PROM2: variants seen among roughly 807,000 people sequenced by gnomAD.
PROM2 encodes the protein prominin 2.
In PROM2, 90 loss-of-function variants were observed where a neutral mutation model predicts 110.2. That is an observed-to-expected ratio of 0.82 (90% CI 0.69 to 0.97). PROM2 has a LOEUF of 0.97. Ranked by LOEUF, PROM2 falls within the 50% of genes least tolerant of loss-of-function variation. PROM2 has a pLI of 0.00. For missense variants in PROM2, 1,009 were observed against 1,074.8 expected (o/e 0.94, Z 0.86); for synonymous variants, 470 against 467.8 (o/e 1.00, Z -0.06).
rs765121657 is a variant in PROM2, at chr2:95,286,548, G to A, written c.2017G>A (p.Val673Ile). 8 of 1,613,536 alleles carry A rather than the reference G, an allele frequency of 5.0e-6. No individual in the cohort carries two copies. Among genetic ancestry groups the A allele is most frequent in the South Asian group, 1.1e-5 (1 of 91,062 alleles). ...ACTCAGAAACCTTCACCAGGAGAAG[G>A]TCGTCCCCCAGCAGAGCCTTGTGGT... ...QGLRNLHQEK[V>I]VPQQSLVAKL... Residue 673 changes from valine (V) to isoleucine (I), a missense_variant, in exon 17 of 24, where the codon GTC (valine) becomes ATC (isoleucine). Val to Ile is a conservative substitution (Grantham distance 29). Coordinates refer to ENST00000317620, the MANE Select transcript of PROM2 (RefSeq NM_001165978.3).
At chr2:95,285,786 G>T in intron 16 of PROM2, 76 bp downstream of exon 16, 1 of 1,421,984 alleles carries the variant, frequency 7.0e-7, no homozygotes, top group Non-Finnish European at 9.7e-7. Flanking sequence ...GTGGGAGGAT[G>T]TGAGGGCAAA....
intron 22 of PROM2, 42 bp downstream of exon 22, chr2:95,288,631 G>A (rs1677521102): frequency 1.3e-6 from 2 of 1,556,166 alleles, no homozygotes; most frequent in East Asian, 2.2e-5. Flanking sequence ...AGGGGCCAGG[G>A]AGGTGTCCTT....
At chr2:95,278,461 T>G (rs1573448834) in intron 8 of PROM2, 1 of 579,620 alleles carries the variant, frequency 1.7e-6, no homozygotes, top group East Asian at 2.9e-5. Context: ...GACCTGGCAG[T>G]TGTGTGGAGG....
intron 10 of PROM2, 31 bp from the exon 11 acceptor site, chr2:95,279,814 C>T: frequency 7.2e-7 from 1 of 1,389,116 alleles, no homozygotes; most frequent in South Asian, 1.9e-5. Context: ...CACCTCCTTT[C>T]TTAGTGACAC....
In PROM2 at chr2:95,277,967, G is replaced by T. The variant is rs1676774265; in HGVS notation, c.1013G>T (p.Gly338Val). The T allele has an allele frequency of 1.2e-6, 2 of 1,612,048 alleles. No homozygotes were observed. The part of the protein sequence containing the change: ...SVDHVLHQLK[G>V]VPEANFSSMV... The stretch of plus-strand genomic sequence containing the variant: ...GACCATGTCCTGCACCAGCTAAAAG[G>T]TGTCCCCGAGGCCAACTTCTCCAGC... Residue 338 changes from glycine (G) to valine (V), a missense_variant, in exon 8 of 24, where the codon GGT becomes GTT. By Grantham distance (109) the Gly-to-Val change is moderately radical (BLOSUM62 -3). Coordinates refer to ENST00000317620, the MANE Select transcript of PROM2 (RefSeq NM_001165978.3).
At chr2:95,280,503 G>T (rs1205770045) in intron 11 of PROM2, among the ~76,000 whole-genome samples, 3 of 152,228 alleles carry the variant, frequency 2.0e-5, no homozygotes, top group African/African-American at 7.2e-5. Context: ...CCTCAGACCT[G>T]CTGGGATTCT....
chr2:95,281,470 G>A, intron 12 of PROM2, 105 bp downstream of exon 12: 1 of 1,299,432 alleles, frequency 7.7e-7, no homozygotes, highest in South Asian at 1.5e-5. Context: ...GTAAAAGGGA[G>A]AGAGGGAGGG....
At chr2:95,284,548 G>C (rs1291521394) in intron 14 of PROM2, among the ~76,000 whole-genome samples, 1 of 152,042 alleles carries the variant, frequency 6.6e-6, no homozygotes, top group Non-Finnish European at 1.5e-5. Flanking sequence ...ATAAAGAAAA[G>C]AGGTTTAAGT....
intron 19 of PROM2, 73 bp from the exon 20 acceptor site, chr2:95,287,323 G>T: frequency 1.3e-6 from 2 of 1,573,084 alleles, no homozygotes; most frequent in South Asian, 2.2e-5. Context: ...TGCCAGGCAT[G>T]GGGGGTGGCG....
Position 95,285,121 on chromosome 2 carries a change from C to A in PROM2, c.1875+6C>A. On this transcript the variant is annotated splice_donor_region_variant and intron_variant, in intron 15 of 23. Coordinates refer to ENST00000317620, the MANE Select transcript of PROM2 (RefSeq NM_001165978.3). ...ACCCCGACTTCCTCGTTCAGGTCAG[C>A]GGTGGGCACCTCAGCAGGGCTTCCT... 1 of 1,555,236 alleles carries A rather than the reference C, an allele frequency of 6.4e-7. No individual in the cohort carries two copies. The highest frequency in any genetic ancestry group is 1.2e-5 in the South Asian group (1 of 84,236).
At position 95,274,990 on chromosome 2, in the gene PROM2, TGTGACTGTGG is replaced by T. The variant is rs1192249364; in HGVS notation, c.244+164_244+173del. Reference sequence around the variant, plus strand: ...CTGGGGAGGGCTCCAGAACCTGCTGTGTGACTGTGGGTAAGCCTCACTTCCTCTCTGAGCC... The same window carrying T: ...CTGGGGAGGGCTCCAGAACCTGCTGTGTAAGCCTCACTTCCTCTCTGAGCC... On this transcript the variant is annotated intron_variant, in intron 1 of 23. Transcript: ENST00000317620. 3 of 889,202 alleles carry T rather than the reference TGTGACTGTGG, an allele frequency of 3.4e-6. No homozygotes were observed. In the African/African-American group the frequency reaches 5.1e-5, roughly 15 times the overall value. 55.1% of individuals were successfully genotyped at this position (889,202 alleles called of 1,614,324 possible). A position where few individuals can be genotyped will look rare whatever the true frequency, so the allele number is the denominator to read the frequency against.
rs1174989463 is a variant in PROM2, at chr2:95,286,467, GTA to G, written c.1948-10_1948-9del. On this transcript the variant is annotated splice_polypyrimidine_tract_variant and intron_variant, in intron 16 of 23. Transcript: ENST00000317620. ...CCTGGGCGGGGCCGTTCTGATTTTT[GTA>G]TCCTTTCAGGACAATTCTGTGCTGG... 1 of 1,611,992 alleles carries G rather than the reference GTA, an allele frequency of 6.2e-7. No homozygotes were observed. The highest frequency in any genetic ancestry group is 2.2e-5 in the East Asian group (1 of 44,840).
In PROM2 at chr2:95,288,201, GGCGC is replaced by G. The variant is rs753102393; in HGVS notation, c.2245-9_2245-6del. On this transcript the variant is annotated splice_polypyrimidine_tract_variant and splice_region_variant and intron_variant, in intron 20 of 23. Transcript: ENST00000317620. ...GTCTCTGCATCACCTGCCTCATGTTGGCGCCACAGGTGACTCAGCGCATTGCCAC... is the reference window on the plus strand; with the variant it reads ...GTCTCTGCATCACCTGCCTCATGTTGCACAGGTGACTCAGCGCATTGCCAC... 4.3e-6 allele frequency: 7 copies of G among 1,612,750 alleles called. No homozygotes were observed. In the African/African-American group the frequency reaches 5.3e-5, roughly 12 times the overall value.
rs961379099 is a variant in PROM2, at chr2:95,276,540, G to A, written c.619-54G>A. The A allele has an allele frequency of 5.3e-5, 85 of 1,611,836 alleles. No individual in the cohort carries two copies. The Admixed American group carries it at 9.7e-4, about 18-fold the overall frequency. On this transcript the variant is annotated intron_variant, in intron 4 of 23. Transcript: ENST00000317620. The surrounding 1 kb of genome is among the most constrained non-coding windows in gnomAD (Gnocchi z 4.6). ...GGGAAGGGGCCAGGGAGAGAAGGGC[G>A]TAAGGACTGTGGGTGACCAGGAAGG...
chr2:95,287,339 G>C lies in PROM2; in HGVS notation c.2176-57G>C. On this transcript the variant is annotated intron_variant, in intron 19 of 23. Coordinates refer to ENST00000317620, the MANE Select transcript of PROM2 (RefSeq NM_001165978.3). ...GCCAGGCATGGGGGGTGGCGTGGGT[G>C]GGGGGCACTGCTGCTTCTGGGACCC... 4 of 1,594,092 alleles carry C rather than the reference G, an allele frequency of 2.5e-6. No homozygotes were observed. The South Asian group carries it at 3.3e-5, about 13-fold the overall frequency.
In PROM2 at chr2:95,290,750, G is replaced by C. The variant is rs1459062714; in HGVS notation, c.*1537G>C. Reference sequence around the variant, plus strand: ...GGGGGTAGAGCTAGCATCCGGGCATGTACGAGGGAAGAGGGAGGCAGGCCT... The same window carrying C: ...GGGGGTAGAGCTAGCATCCGGGCATCTACGAGGGAAGAGGGAGGCAGGCCT... On this transcript the variant is annotated 3_prime_UTR_variant, in exon 24 of 24. Transcript: ENST00000317620. 1 of 152,248 alleles carries C rather than the reference G, an allele frequency of 6.6e-6. No homozygotes were observed. The highest frequency in any genetic ancestry group is 2.4e-5 in the African/African-American group (1 of 41,450). 9.4% of individuals were successfully genotyped at this position (152,248 alleles called of 1,614,324 possible). A position where few individuals can be genotyped will look rare whatever the true frequency, so the allele number is the denominator to read the frequency against.
intron 11 of PROM2, 51 bp from the exon 12 acceptor site, chr2:95,281,191 C>T: frequency 6.3e-7 from 1 of 1,596,004 alleles, no homozygotes; most frequent in Non-Finnish European, 8.5e-7. Flanking sequence ...AGGGTATGGT[C>T]AGGGCAGCCA....
intron 18 of PROM2, 103 bp from the exon 19 acceptor site, chr2:95,287,030 T>A: frequency 7.6e-7 from 1 of 1,311,046 alleles, no homozygotes; most frequent in Non-Finnish European, 1.1e-6. Flanking sequence ...GGCTTGTCTG[T>A]TGGAGCTGAA....
chr2:95,288,874 T>C lies in PROM2; in HGVS notation c.2442-59T>C, dbSNP rs1677538351. 2.6e-6 allele frequency: 4 copies of C among 1,526,470 alleles called. No homozygotes were observed. In the African/African-American group the frequency reaches 4.1e-5, roughly 16 times the overall value. The allele number at this position is 1,526,470 out of a possible 1,614,324, so 94.6% of individuals were successfully genotyped here. On this transcript the variant is annotated intron_variant, in intron 22 of 23. Transcript: ENST00000317620. Reference sequence around the variant, plus strand: ...CCTCAGGGCTCTGGGTTTGTCCCTGTGTCAGGGCTGAGGGTCTGGGGGGAA... The same window carrying C: ...CCTCAGGGCTCTGGGTTTGTCCCTGCGTCAGGGCTGAGGGTCTGGGGGGAA...
Sources: gnomAD v4.1 joint callset for allele counts (sites outside exome capture counted in the v4.1 genomes callset) on GRCh38, gnomAD v4.1.1 for gene constraint, Gnocchi (gnomAD v3.1) non-coding constraint, MANE v1.5 for transcripts, NCBI Gene and HGNC (gene_info 2026-07-23, HGNC 2026-07-21) for gene names.